EDN3: variants seen among roughly 807,000 people sequenced by gnomAD.
EDN3 encodes the protein endothelin 3.
A neutral mutation model predicts 21.4 loss-of-function variants in EDN3; 9 were observed. The ratio of observed to expected loss-of-function variants is 0.42; its 90% confidence interval spans 0.25 to 0.73. The LOEUF (loss-of-function observed/expected upper bound fraction) is 0.73. Among genes scored for constraint, EDN3 ranks in the 30% least tolerant of loss-of-function variants. The pLI is 0.26. For synonymous variants in EDN3, 133 were observed against 126.2 expected, an observed-to-expected ratio of 1.05 and a Z score of -0.36; for missense variants, 327 against 309.4, an observed-to-expected ratio of 1.06 and a Z score of -0.43.
intron 2 of EDN3, among the ~76,000 whole-genome samples, chr20:59,318,335 G>C (rs1360753625): frequency 1.3e-5 from 2 of 152,226 alleles, no homozygotes; most frequent in Non-Finnish European, 2.9e-5. Flanking sequence ...GAGTGGCCAG[G>C]AGCCCAGGAT....
intron 2 of EDN3, among the ~76,000 whole-genome samples, chr20:59,306,504 C>G (rs891039895): frequency 1.3e-5 from 2 of 150,992 alleles, no homozygotes; most frequent in Non-Finnish European, 2.9e-5. Flanking sequence ...AGGCCGGCTT[C>G]CCAGGCTGCC....
chr20:59,316,027 T>C (rs1229335604), intron 2 of EDN3, among the ~76,000 whole-genome samples: 1 of 151,862 alleles, frequency 6.6e-6, no homozygotes, highest in Middle Eastern at 3.2e-3. Context: ...CTACTAAAAA[T>C]ACAAAAAAAT....
intron 2 of EDN3, among the ~76,000 whole-genome samples, chr20:59,316,015 C>T (rs942428776): frequency 6.6e-6 from 1 of 152,030 alleles, no homozygotes; most frequent in African/African-American, 2.4e-5. Context: ...GAAACCCTGT[C>T]TCTACTAAAA....
At position 59,308,433 on chromosome 20, in the gene EDN3, T is replaced by G. The variant is rs1053000313; in HGVS notation, c.365+6711T>G. Among the ~76,000 whole-genome samples the G allele has an allele frequency of 1.3e-5, 2 of 152,170 alleles. 1 individual carries two copies. The highest frequency in any genetic ancestry group is 4.8e-5 in the African/African-American group (2 of 41,444). On this transcript the variant is annotated intron_variant, in intron 2 of 4. Coordinates refer to ENST00000337938, the MANE Select transcript of EDN3 (RefSeq NM_207034.3). ...GAGACTCCTGGGGTTTAGAGAGGAA[T>G]GGGGCCTGGGGCCCACTCATCCAAA... is the stretch of plus-strand genomic sequence containing the variant.
chr20:59,313,513 T>G (rs1284445178), intron 2 of EDN3, among the ~76,000 whole-genome samples: 1 of 151,960 alleles, frequency 6.6e-6, no homozygotes, highest in Non-Finnish European at 1.5e-5. Flanking sequence ...AATCCAAAGG[T>G]TTTTTGAGGG....
chr20:59,316,314 A>G (rs556670574), intron 2 of EDN3, among the ~76,000 whole-genome samples: 3 of 152,244 alleles, frequency 2.0e-5, no homozygotes, highest in Non-Finnish European at 4.4e-5. Flanking sequence ...GTCTTTACAT[A>G]AGTTTTACCC....
intron 2 of EDN3, among the ~76,000 whole-genome samples, chr20:59,317,330 C>T (rs1393273895): frequency 6.6e-6 from 1 of 152,214 alleles, no homozygotes; most frequent in Non-Finnish European, 1.5e-5. Context: ...CTAAGTCAAA[C>T]ATCTCAAATG....
rs888197918 is a variant in EDN3, at chr20:59,322,316, A to G, written c.543-56A>G. On this transcript the variant is annotated intron_variant, in intron 3 of 4. Transcript: ENST00000337938. The surrounding 1 kb of genome is among the most constrained non-coding windows in gnomAD (Gnocchi z 4.1). The stretch of plus-strand genomic sequence containing the variant: ...GAGGAAGTCATAATTTGACACCGAA[A>G]AACCAGCCACAGGGAAAGGCAGGTT... The G allele has an allele frequency of 3.7e-5, 60 of 1,606,718 alleles. 1 individual carries two copies. Among genetic ancestry groups the G allele is most frequent in the Admixed American group, 2.8e-4 (17 of 60,006 alleles).
chr20:59,324,453 C>A lies in EDN3; in HGVS notation c.711C>A (p.Ala237=), dbSNP rs774182574. The A allele has an allele frequency of 8.1e-6, 13 of 1,613,928 alleles. No individual in the cohort carries two copies. In the Admixed American group the frequency reaches 1.2e-4, roughly 14 times the overall value. Reference sequence around the variant, plus strand: ...CCCGCTGCCTCTTTCAGGAAGGAGCCCCTTAGGAGGACAGGCCTGCAGCAT... The same window carrying A: ...CCCGCTGCCTCTTTCAGGAAGGAGCACCTTAGGAGGACAGGCCTGCAGCAT... ...TCPRCLFQEG[A]P Residue 237 remains alanine (A), a synonymous_variant, in exon 5 of 5, where the codon GCC becomes GCA. Coordinates refer to ENST00000337938, the MANE Select transcript of EDN3 (RefSeq NM_207034.3).
chr20:59,321,294 C>T, intron 3 of EDN3, 101 bp downstream of exon 3: 1 of 1,351,620 alleles, frequency 7.4e-7, no homozygotes, highest in Non-Finnish European at 1.1e-6. Context: ...ATAGTTCAGT[C>T]ACATCCTGAC....
intron 2 of EDN3, among the ~76,000 whole-genome samples, chr20:59,320,267 G>A (rs1314235048): frequency 6.6e-6 from 1 of 152,224 alleles, no homozygotes; most frequent in African/African-American, 2.4e-5. Context: ...CTTTGAGGAA[G>A]CAACTTTCAA....
chr20:59,306,595 T>TAAAAAAAAAAAAAAAACAA (rs1989435779), intron 2 of EDN3, among the ~76,000 whole-genome samples: 1 of 62,454 alleles, frequency 1.6e-5, no homozygotes, highest in African/African-American at 8.3e-5. Flanking sequence ...GCATAAAGAG[T>TAAAAAAAAAAAAAAAACAA]AAAAAAAAAA....
At chr20:59,318,115 C>A (rs1015162323) in intron 2 of EDN3, among the ~76,000 whole-genome samples, 1 of 152,206 alleles carries the variant, frequency 6.6e-6, no homozygotes, top group Non-Finnish European at 1.5e-5. Flanking sequence ...ATCCCCAAGA[C>A]CACTTCCAGG....
intron 2 of EDN3, 142 bp from the exon 3 acceptor site, chr20:59,320,875 C>G: frequency 1.2e-6 from 1 of 842,636 alleles, no homozygotes; most frequent in Non-Finnish European, 1.9e-6. Context: ...CTTCCTAAGA[C>G]CCAGAGCTGT....
intron 2 of EDN3, among the ~76,000 whole-genome samples, chr20:59,313,436 T>A (rs1989964312): frequency 6.6e-6 from 1 of 152,210 alleles, no homozygotes; most frequent in Admixed American, 6.5e-5. Context: ...TAGGGGATAA[T>A]GCTCAGTATT....
At chr20:59,314,460 G>A (rs1170904915) in intron 2 of EDN3, among the ~76,000 whole-genome samples, 2 of 152,086 alleles carry the variant, frequency 1.3e-5, no homozygotes, top group East Asian at 1.9e-4. Flanking sequence ...CTGGAGGCAA[G>A]AAGAAGCCCT....
In EDN3 at chr20:59,305,989, T is replaced by C. The variant is rs1989379812; in HGVS notation, c.365+4267T>C. 6.6e-6 allele frequency among the ~76,000 whole-genome samples: 1 copy of C among 152,200 alleles called. No individual in the cohort carries two copies. Among genetic ancestry groups the C allele is most frequent in the Non-Finnish European group, 1.5e-5 (1 of 68,038 alleles). On this transcript the variant is annotated intron_variant, in intron 2 of 4. Transcript: ENST00000337938. This position sits in a 1 kb window ranked among gnomAD's most constrained non-coding sequence, Gnocchi z 4.2. ...GGATGTCAGCTCGAACCACATTTCA[T>C]GGCGGACCAGCCCCTCAGAGCCTGG...
At chr20:59,316,296 C>T (rs564139093) in intron 2 of EDN3, among the ~76,000 whole-genome samples, 3 of 152,354 alleles carry the variant, frequency 2.0e-5, no homozygotes, top group Admixed American at 6.5e-5. Context: ...GGGCCCCGCC[C>T]CTTGTCTGTC....
rs199774822 is a variant in EDN3, at chr20:59,322,483, G to A, written c.588+66G>A. 6.2e-7 allele frequency: 1 copy of A among 1,605,340 alleles called. No individual in the cohort carries two copies. Among genetic ancestry groups the A allele is most frequent in the East Asian group, 2.2e-5 (1 of 44,814 alleles). On this transcript the variant is annotated intron_variant, in intron 4 of 4. Transcript: ENST00000337938. This position sits in a 1 kb window ranked among gnomAD's most constrained non-coding sequence, Gnocchi z 4.1. ...GATGTGACGTGTCATTCCTTCGGGG[G>A]TGGGTGGAGGGTGTTTTGAGGGGAT...
Sources: gnomAD v4.1 joint callset for allele counts (sites outside exome capture counted in the v4.1 genomes callset) on GRCh38, gnomAD v4.1.1 for gene constraint, Gnocchi (gnomAD v3.1) non-coding constraint, MANE v1.5 for transcripts, NCBI Gene and HGNC (gene_info 2026-07-23, HGNC 2026-07-21) for gene names.